The following APBB2 variants were observed in gnomAD, a reference collection of about 807,000 sequenced individuals.
APBB2 encodes amyloid beta precursor protein binding family B member 2.
Under a neutral mutation model 82.5 loss-of-function variants are expected in APBB2, and 38 were observed. The observed-to-expected ratio is 0.46, with a 90% CI of 0.36 to 0.60. The LOEUF (loss-of-function observed/expected upper bound fraction) is 0.60. APBB2 is among the 20% of genes least tolerant of loss of function. The pLI, the probability that APBB2 is intolerant of heterozygous loss-of-function variation, is 0.00. For synonymous variants in APBB2, 341 were observed against 368.2 expected (o/e 0.93, Z 0.85); for missense variants, 772 against 972.3 (o/e 0.79, Z 2.74).
intron 4 of APBB2, among the ~76,000 whole-genome samples, chr4:41,048,725 G>C (rs896673198): frequency 6.9e-6 from 1 of 145,480 alleles, no homozygotes; most frequent in South Asian, 2.4e-4. Context: ...GATGCCGAGC[G>C]GAAGCTGGAC....
At chr4:40,950,482 C>A (rs1044444799) in intron 6 of APBB2, among the ~76,000 whole-genome samples, 2 of 152,130 alleles carry the variant, frequency 1.3e-5, no homozygotes, top group African/African-American at 4.8e-5. Flanking sequence ...GAGGTCAAGG[C>A]GGGAGAACTG....
intron 12 of APBB2, among the ~76,000 whole-genome samples, chr4:40,856,276 G>A (rs1761156107): frequency 6.6e-6 from 1 of 152,344 alleles, no homozygotes; most frequent in South Asian, 2.1e-4. Flanking sequence ...GGAATCCATA[G>A]ACGTGCCTGG....
At chr4:40,960,692 A>G (rs1346876256) in intron 6 of APBB2, among the ~76,000 whole-genome samples, 1 of 151,974 alleles carries the variant, frequency 6.6e-6, no homozygotes, top group East Asian at 1.9e-4. Context: ...TGTGATCCGC[A>G]CACCTTGGCC....
intron 3 of APBB2, among the ~76,000 whole-genome samples, chr4:41,072,854 A>G (rs552856134): frequency 6.6e-6 from 1 of 152,340 alleles, no homozygotes; most frequent in South Asian, 2.1e-4. Flanking sequence ...GAAAGGGAGG[A>G]CTTTACCATT....
intron 12 of APBB2, among the ~76,000 whole-genome samples, chr4:40,877,477 G>T (rs1272986387): frequency 6.6e-6 from 1 of 152,162 alleles, no homozygotes; most frequent in Non-Finnish European, 1.5e-5. Flanking sequence ...TCATGTAGGG[G>T]TGGGGTGCTG....
intron 1 of APBB2, among the ~76,000 whole-genome samples, chr4:41,208,688 C>T (rs1483611326): frequency 6.6e-6 from 1 of 152,168 alleles, no homozygotes; most frequent in Non-Finnish European, 1.5e-5. Flanking sequence ...ACAAAGTTTG[C>T]AAGATTTCCA....
chr4:40,942,263 T>G (rs1273413146), intron 7 of APBB2, among the ~76,000 whole-genome samples: 1 of 152,222 alleles, frequency 6.6e-6, no homozygotes, highest in Non-Finnish European at 1.5e-5. Flanking sequence ...GTGCTGGATA[T>G]GAGTCCCTGT....
rs1217169683 is a variant in APBB2 at position 40,814,666 on chromosome 4, G to T, written c.*1426C>A. On this transcript the variant is annotated 3_prime_UTR_variant, in exon 18 of 18. Transcript: ENST00000508593. The stretch of plus-strand genomic sequence containing the variant: ...TTGTAAATGTTAATTTTGACATTAA[G>T]AAGAAGTAAACAAGACTAATATTGA... The T allele has an allele frequency of 1.3e-5, 2 of 152,194 alleles. No individual in the cohort carries two copies. Among genetic ancestry groups the T allele is most frequent in the Non-Finnish European group, 2.9e-5 (2 of 68,032 alleles). The allele number at this position is 152,194 out of a possible 1,614,324, so 9.4% of individuals were successfully genotyped here.
chr4:40,919,685 T>G (rs985906572), intron 10 of APBB2, among the ~76,000 whole-genome samples: 10 of 152,212 alleles, frequency 6.6e-5, no homozygotes, highest in African/African-American at 2.4e-4. Flanking sequence ...CTGGCAGGAC[T>G]GCTGGGACCC....
chr4:40,993,097 CAT>C (rs1301817055), intron 6 of APBB2, among the ~76,000 whole-genome samples: 28 of 152,192 alleles, frequency 1.8e-4, no homozygotes, highest in Admixed American at 1.4e-3. Context: ...CTGTGCCCCA[CAT>C]GTCTTGTTTC....
At chr4:41,077,001 A>G (rs933957311) in intron 3 of APBB2, among the ~76,000 whole-genome samples, 12 of 59,442 alleles carry the variant, frequency 2.0e-4, no homozygotes, top group African/African-American at 8.2e-4. Flanking sequence ...AAAGGATAAA[A>G]ATCAGGATTT....
chr4:41,100,582 T>C (rs1745024530), intron 3 of APBB2, 57 bp downstream of exon 3: 1 of 152,204 alleles, frequency 6.6e-6, no homozygotes, highest in Non-Finnish European at 1.5e-5. Context: ...GATCTATTGT[T>C]AACTTTCTGA....
rs1793187083 is a variant in APBB2, at chr4:40,961,478, ACT to A, written c.836-16407_836-16406del. Among the ~76,000 whole-genome samples the A allele has an allele frequency of 3.1e-5, 3 of 96,858 alleles. No individual in the cohort carries two copies. The Admixed American group carries it at 5.0e-4, about 16-fold the overall frequency. 63.5% of individuals were successfully genotyped at this position (96,858 alleles called of 152,430 possible). ...ATGGACACAGGAAGGGGAATATCAC[ACT>A]CTGGGGACTGTTGTGGGGTGGGGGG... On this transcript the variant is annotated intron_variant, in intron 6 of 17. Transcript: ENST00000508593.
intron 4 of APBB2, among the ~76,000 whole-genome samples, chr4:41,043,660 TTCCCTTCCTCCAAAGTAAACA>T (rs377100752): frequency 7.9e-5 from 12 of 152,342 alleles, no homozygotes; most frequent in African/African-American, 2.9e-4. Context: ...CTCCATGCCC[TTCCCTTCCTCCAAAGTAAACA>T]AACTCTTGAA....
At chr4:41,135,190 AAT>A (rs1229658255) in intron 2 of APBB2, among the ~76,000 whole-genome samples, 14 of 150,560 alleles carry the variant, frequency 9.3e-5, no homozygotes, top group Admixed American at 2.6e-4. Flanking sequence ...AAAAAAAAAA[AAT>A]CACCCTTACA....
chr4:41,104,655 C>A (rs1746563468), intron 2 of APBB2, among the ~76,000 whole-genome samples: 1 of 152,116 alleles, frequency 6.6e-6, no homozygotes, highest in Admixed American at 6.5e-5. Context: ...CCCTGCCACT[C>A]TCCTCCCTCA....
At chr4:40,923,028 G>A (rs1218172340) in intron 10 of APBB2, among the ~76,000 whole-genome samples, 1 of 145,306 alleles carries the variant, frequency 6.9e-6, no homozygotes. Flanking sequence ...AGGCCGGATT[G>A]CAGTGGCACA....
In APBB2 at chr4:40,825,877, TTTCACA is replaced by T; in HGVS notation, c.1816+4_1816+9del. ...TTGCAAAGTGGAAAGACAATAAACA[TTTCACA>T]TACCGACTGGTTTGTCTACAGGTAA... is the stretch of plus-strand genomic sequence containing the variant. On this transcript the variant is annotated splice_donor_5th_base_variant and intron_variant, in intron 15 of 17. Transcript: ENST00000508593. 6.2e-7 allele frequency: 1 copy of T among 1,612,144 alleles called. No individual in the cohort carries two copies. Among genetic ancestry groups the T allele is most frequent in the Non-Finnish European group, 8.5e-7 (1 of 1,178,190 alleles).
chr4:40,986,118 C>CT (rs1800358922), intron 6 of APBB2, among the ~76,000 whole-genome samples: 1 of 152,204 alleles, frequency 6.6e-6, no homozygotes, highest in Non-Finnish European at 1.5e-5. Flanking sequence ...TTGAGACAAT[C>CT]TTCTCAAGCT....
Sources: gnomAD v4.1 joint callset for allele counts (sites outside exome capture counted in the v4.1 genomes callset) on GRCh38, gnomAD v4.1.1 for gene constraint, MANE v1.5 for transcripts, NCBI Gene and HGNC (gene_info 2026-07-23, HGNC 2026-07-21) for gene names.